The following DMD variants were observed in gnomAD, a reference collection of about 807,000 sequenced individuals.
The protein encoded by DMD is dystrophin, also known as mutant dystrophin.
DMD carries 63 observed loss-of-function variants against 330.1 expected under a neutral mutation model. The ratio of observed to expected loss-of-function variants is 0.19; its 90% CI spans 0.16 to 0.24. The LOEUF (loss-of-function observed/expected upper bound fraction) is 0.24. DMD is among the 10% of genes least tolerant of loss of function. The pLI is 1.00. For missense variants in DMD, 3,344 were observed against 2,684.1 expected (o/e 1.25, Z -5.43); for synonymous variants, 1,223 against 959.8 (o/e 1.27, Z -5.07).
At chrX:32,252,649 A>AATAT (rs1569553552) in intron 43 of DMD, among the ~76,000 whole-genome samples, 2 of 50,393 alleles carry the variant, frequency 4.0e-5, no homozygotes, top group African/African-American at 1.5e-4. Flanking sequence ...AATATATATA[A>AATAT]ATACAAATAT....
intron 7 of DMD, among the ~76,000 whole-genome samples, chrX:32,806,110 A>G (rs1441898445): frequency 1.8e-5 from 2 of 112,227 alleles, no homozygotes; most frequent in Non-Finnish European, 3.8e-5. Context: ...AAATGGGCTA[A>G]ATGCCCCAAT....
At chrX:33,081,984 CG>C (rs1397301702) in intron 1 of DMD, among the ~76,000 whole-genome samples, 3 of 103,928 alleles carry the variant, frequency 2.9e-5, no homozygotes, top group Non-Finnish European at 5.9e-5. Flanking sequence ...TTCCCTAAAA[CG>C]GGTTCTGTGG....
chrX:31,490,199 C>A (rs185966630), intron 57 of DMD, among the ~76,000 whole-genome samples: 2 of 112,273 alleles, frequency 1.8e-5, no homozygotes, highest in Non-Finnish European at 3.8e-5. Flanking sequence ...TAAAAAGACA[C>A]CTTAGAGTAG....
intron 1 of DMD, among the ~76,000 whole-genome samples, chrX:33,329,483 A>G (rs1293571308): frequency 8.9e-6 from 1 of 112,277 alleles, no homozygotes; most frequent in Non-Finnish European, 1.9e-5. Flanking sequence ...TATTTTTAAG[A>G]GTTCACAAAT....
intron 17 of DMD, among the ~76,000 whole-genome samples, chrX:32,524,454 T>C (rs948896776): frequency 7.1e-5 from 8 of 112,223 alleles, no homozygotes; most frequent in Non-Finnish European, 1.1e-4. Context: ...AAGCATTTGT[T>C]TGACAAGATA....
At chrX:33,158,738 C>A (rs1427551882) in intron 1 of DMD, among the ~76,000 whole-genome samples, 1 of 111,522 alleles carries the variant, frequency 9.0e-6, no homozygotes, top group Non-Finnish European at 1.9e-5. Flanking sequence ...CATGTCCCAG[C>A]ACCCCAATTA....
At chrX:31,476,420 T>TATAC (rs1226600532) in intron 59 of DMD, among the ~76,000 whole-genome samples, 5 of 91,960 alleles carry the variant, frequency 5.4e-5, no homozygotes, top group South Asian at 5.3e-4. Flanking sequence ...TATATATATA[T>TATAC]ACACACACAC....
chrX:32,326,111 T>C (rs1162176100), intron 41 of DMD, among the ~76,000 whole-genome samples: 1 of 112,038 alleles, frequency 8.9e-6, no homozygotes, highest in African/African-American at 3.2e-5. Context: ...ACCATCTTTA[T>C]TTCCATGCCC....
chrX:32,368,105 C>G lies in DMD; in HGVS notation c.4846-2906G>C, dbSNP rs538735357. Among the ~76,000 whole-genome samples the G allele has an allele frequency of 3.6e-5, 4 of 111,077 alleles. No homozygotes were observed. The South Asian group carries it at 1.5e-3, about 42-fold the overall frequency. On this transcript the variant is annotated intron_variant, in intron 34 of 78. Transcript: ENST00000357033. ...GAAATAAGACTTAAATAAGACTTAG[C>G]CTTTAAATACTATGCTGAGCTTGCT...
At chrX:33,288,002 T>A (rs1287096419) in intron 1 of DMD, among the ~76,000 whole-genome samples, 2 of 111,504 alleles carry the variant, frequency 1.8e-5, no homozygotes, top group African/African-American at 6.5e-5. Context: ...TGAAAGAGCC[T>A]CCTCGAGGTG....
intron 1 of DMD, among the ~76,000 whole-genome samples, chrX:33,239,070 A>G (rs1270154923): frequency 9.2e-6 from 1 of 108,847 alleles, no homozygotes; most frequent in Non-Finnish European, 1.9e-5. Context: ...CAGCCTGGCC[A>G]ACATGGTGAA....
At chrX:31,414,432 AT>A (rs2061779275) in intron 60 of DMD, among the ~76,000 whole-genome samples, 1 of 112,430 alleles carries the variant, frequency 8.9e-6, no homozygotes, top group Non-Finnish European at 1.9e-5. Context: ...CAGCTAAATA[AT>A]AAAAAGTAGT....
In DMD at chrX:32,279,817, A is replaced by G. The variant is rs755384747; in HGVS notation, c.6290+7712T>C. ...TACATTTTTAAACAATTAAAAAAAT[A>G]CAATTTTACTGTTTGTAAAACAAAG... On this transcript the variant is annotated intron_variant, in intron 43 of 78. Transcript: ENST00000357033. Among the ~76,000 whole-genome samples the G allele has an allele frequency of 2.2e-3, 243 of 109,588 alleles. 2 individuals carry two copies. The highest frequency in any genetic ancestry group is 7.7e-3 in the African/African-American group (231 of 30,188).
intron 7 of DMD, among the ~76,000 whole-genome samples, chrX:32,751,552 A>G: frequency 8.9e-6 from 1 of 111,982 alleles, no homozygotes; most frequent in African/African-American, 3.3e-5. Context: ...AACAGAGCAT[A>G]AAAGTTTGGA....
At chrX:33,338,990 T>C (rs1463358985) in intron 1 of DMD, among the ~76,000 whole-genome samples, 1 of 111,318 alleles carries the variant, frequency 9.0e-6, no homozygotes, top group Non-Finnish European at 1.9e-5. Flanking sequence ...CCTAGACTCC[T>C]GAACAATACT....
chrX:32,068,424 A>C (rs1443462271), intron 44 of DMD, among the ~76,000 whole-genome samples: 2 of 103,911 alleles, frequency 1.9e-5, no homozygotes, highest in Admixed American at 1.1e-4. Context: ...CTTAGTCAAA[A>C]ATTCTTTCCC....
chrX:31,636,845 G>A (rs1023221558), intron 54 of DMD, among the ~76,000 whole-genome samples: 1 of 111,339 alleles, frequency 9.0e-6, no homozygotes, highest in African/African-American at 3.3e-5. Context: ...TGAACTCGAG[G>A]TAAGCTTGAG....
intron 43 of DMD, among the ~76,000 whole-genome samples, chrX:32,251,794 G>GT (rs1223069126): frequency 6.3e-5 from 7 of 110,763 alleles, no homozygotes; most frequent in Non-Finnish European, 3.8e-5. Flanking sequence ...ACTTAGAAAC[G>GT]TAACAAGACC....
intron 1 of DMD, among the ~76,000 whole-genome samples, chrX:33,030,885 G>A (rs1302148133): frequency 1.8e-5 from 2 of 111,645 alleles, no homozygotes; most frequent in African/African-American, 6.5e-5. Context: ...AAATGTGCAC[G>A]ACACACAACA....
Sources: allele counts gnomAD v4.1 joint callset (sites outside exome capture counted in the v4.1 genomes callset), GRCh38; gene constraint gnomAD v4.1.1; transcripts MANE v1.5; gene names NCBI Gene and HGNC (gene_info 2026-07-23, HGNC 2026-07-21).